FHIT: variants seen among roughly 807,000 people sequenced by gnomAD.
The protein encoded by FHIT is fragile histidine triad diadenosine triphosphatase.
A neutral mutation model predicts 17.9 loss-of-function variants in FHIT; 19 were observed. The ratio of observed to expected loss-of-function variants is 1.06; its 90% confidence interval spans 0.74 to 1.56. FHIT has a LOEUF of 1.56. FHIT is among the 40% of genes most tolerant of loss of function. The pLI is 0.00. For missense variants in FHIT, 248 were observed against 189.2 expected (o/e 1.31, Z -1.82); for synonymous variants, 81 against 69.7 (o/e 1.16, Z -0.81).
At chr3:59,753,972 T>C (rs1701062216) in intron 8 of FHIT, among the ~76,000 whole-genome samples, 2 of 152,056 alleles carry the variant, frequency 1.3e-5, no homozygotes, top group Middle Eastern at 6.8e-3. Flanking sequence ...ATCGACTTTT[T>C]AAAAGTTGAT....
At chr3:60,476,425 G>A (rs1052202426) in intron 5 of FHIT, among the ~76,000 whole-genome samples, 8 of 152,164 alleles carry the variant, frequency 5.3e-5, no homozygotes, top group African/African-American at 1.9e-4. Context: ...ATTTGAAAAA[G>A]TAACTGCTAT....
intron 5 of FHIT, among the ~76,000 whole-genome samples, chr3:60,403,849 TA>T (rs1186563136): frequency 9.2e-5 from 14 of 152,228 alleles, no homozygotes; most frequent in African/African-American, 2.9e-4. Context: ...CCATGTCATG[TA>T]AAATTATGAT....
chr3:60,833,213 G>T (rs717292), intron 3 of FHIT, among the ~76,000 whole-genome samples: 6,870 of 152,214 alleles, frequency 0.045, 215 homozygotes, highest in South Asian at 0.1. Context: ...AGCTATGCAT[G>T]GTGACTCCAA....
chr3:59,851,661 C>T (rs916396286), intron 8 of FHIT, among the ~76,000 whole-genome samples: 10 of 152,152 alleles, frequency 6.6e-5, no homozygotes, highest in African/African-American at 1.7e-4. Context: ...TACATTCATT[C>T]GTGTTCTCAA....
chr3:60,428,244 C>T (rs1407593328), intron 5 of FHIT, among the ~76,000 whole-genome samples: 2 of 152,110 alleles, frequency 1.3e-5, no homozygotes, highest in Non-Finnish European at 1.5e-5. Context: ...GTCTCAGTTT[C>T]CTCATTCAAT....
intron 5 of FHIT, among the ~76,000 whole-genome samples, chr3:60,437,018 T>G (rs2030326457): frequency 6.6e-6 from 1 of 152,126 alleles, no homozygotes; most frequent in South Asian, 2.1e-4. Flanking sequence ...AAGCACCTCG[T>G]ATTTTGTACT....
At chr3:61,206,855 A>G (rs1311538997) in intron 1 of FHIT, among the ~76,000 whole-genome samples, 11 of 152,110 alleles carry the variant, frequency 7.2e-5, no homozygotes, top group Non-Finnish European at 1.5e-4. Context: ...CCAACACTAT[A>G]TTGAATAGGA....
intron 1 of FHIT, among the ~76,000 whole-genome samples, chr3:61,221,698 T>C (rs2039843275): frequency 6.6e-6 from 1 of 152,222 alleles, no homozygotes; most frequent in Admixed American, 6.5e-5. Flanking sequence ...CCACTGTTAC[T>C]GCTGCCTCCA....
At position 59,922,475 on chromosome 3, in the gene FHIT, C is replaced by G; in HGVS notation, c.280-61G>C. 3 of 1,395,152 alleles carry G rather than the reference C, an allele frequency of 2.2e-6. No individual in the cohort carries two copies. In the South Asian group the frequency reaches 3.5e-5, roughly 16 times the overall value. The allele number at this position is 1,395,152 out of a possible 1,614,324, so 86.4% of individuals were successfully genotyped here. A position where few individuals can be genotyped will look rare whatever the true frequency, so the allele number is the denominator to read the frequency against. The stretch of plus-strand genomic sequence containing the variant: ...TCTCCCCATGTATTTTTAGACTTGA[C>G]AGTGATGCTCTCATGAAGCCCAATT... On this transcript the variant is annotated intron_variant, in intron 7 of 9. Coordinates refer to ENST00000492590, the MANE Select transcript of FHIT (RefSeq NM_002012.4).
intron 5 of FHIT, among the ~76,000 whole-genome samples, chr3:60,143,539 G>C (rs148344727): frequency 1.6e-4 from 24 of 152,180 alleles, no homozygotes; most frequent in African/African-American, 5.5e-4. Context: ...CTAAACCCCA[G>C]ATGATTCACT....
At chr3:60,473,694 AG>A (rs1468252928) in intron 5 of FHIT, among the ~76,000 whole-genome samples, 20 of 152,136 alleles carry the variant, frequency 1.3e-4, no homozygotes, top group Non-Finnish European at 2.9e-4. Flanking sequence ...AAAGGTTGGT[AG>A]ATTGCCTCAG....
At chr3:60,591,609 A>G (rs556641002) in intron 4 of FHIT, among the ~76,000 whole-genome samples, 1 of 152,186 alleles carries the variant, frequency 6.6e-6, no homozygotes, top group Admixed American at 6.5e-5. Flanking sequence ...AGGTACATTC[A>G]TCAGGCCCTC....
intron 2 of FHIT, among the ~76,000 whole-genome samples, chr3:61,044,037 T>G (rs111644439): frequency 6.6e-6 from 1 of 151,878 alleles, no homozygotes; most frequent in African/African-American, 2.4e-5. Flanking sequence ...GAAACCAGAG[T>G]AGAAAAGCTG....
chr3:61,088,867 G>A (rs1391767570), intron 2 of FHIT, among the ~76,000 whole-genome samples: 1 of 152,034 alleles, frequency 6.6e-6, no homozygotes, highest in Non-Finnish European at 1.5e-5. Flanking sequence ...AAGTATGGCT[G>A]CGCTGGAAAA....
At chr3:60,369,473 C>G (rs1213417167) in intron 5 of FHIT, among the ~76,000 whole-genome samples, 1 of 152,126 alleles carries the variant, frequency 6.6e-6, no homozygotes, top group Non-Finnish European at 1.5e-5. Context: ...GTCTTCTTCA[C>G]TTGTATAATA....
chr3:60,980,883 G>C (rs1320851869), intron 3 of FHIT, among the ~76,000 whole-genome samples: 2 of 152,156 alleles, frequency 1.3e-5, no homozygotes, highest in African/African-American at 4.8e-5. Context: ...TACCTGTTTA[G>C]ATACAAATGA....
chr3:60,903,617 C>T (rs1706235644), intron 3 of FHIT, among the ~76,000 whole-genome samples: 1 of 152,192 alleles, frequency 6.6e-6, no homozygotes. Flanking sequence ...GTGCATCTAA[C>T]TCATTAAGAT....
chr3:60,342,339 G>A (rs1031990982), intron 5 of FHIT, among the ~76,000 whole-genome samples: 3 of 152,232 alleles, frequency 2.0e-5, no homozygotes, highest in Non-Finnish European at 2.9e-5. Context: ...TAGACTGCTA[G>A]GTTCCATAGT....
chr3:61,171,824 T>C (rs769770741), intron 2 of FHIT, among the ~76,000 whole-genome samples: 15 of 152,332 alleles, frequency 9.8e-5, no homozygotes, highest in South Asian at 2.1e-4. Context: ...GAATCTACAT[T>C]GTACCAAGAT....
Sources: allele counts gnomAD v4.1 joint callset (sites outside exome capture counted in the v4.1 genomes callset), GRCh38; gene constraint gnomAD v4.1.1; transcripts MANE v1.5; gene names NCBI Gene and HGNC (gene_info 2026-07-23, HGNC 2026-07-21).